Variants in ACOT7 observed in about 807,000 individuals in gnomAD.
ACOT7 encodes the protein cytosolic acyl coenzyme A thioester hydrolase.
A neutral mutation model predicts 40.2 loss-of-function variants in ACOT7; 12 were observed. The observed-to-expected ratio is 0.30, with a 90% CI of 0.19 to 0.48. The LOEUF (loss-of-function observed/expected upper bound fraction) is 0.48, where lower values mean the gene tolerates loss of function less well. Ranked by LOEUF, ACOT7 falls within the 20% of genes least tolerant of loss-of-function variation. ACOT7 has a pLI of 0.99. For missense variants in ACOT7, 395 were observed against 530.8 expected (o/e 0.74, Z 2.51); for synonymous variants, 228 against 219.5 (o/e 1.04, Z -0.34).
At chr1:6,326,082 AG>A (rs1640790139) in intron 5 of ACOT7, among the ~76,000 whole-genome samples, 1 of 152,202 alleles carries the variant, frequency 6.6e-6, no homozygotes, top group East Asian at 1.9e-4. Context: ...AACCCTCCTC[AG>A]GCTGCCATCC....
At chr1:6,360,887 C>T (rs1476159931) in intron 1 of ACOT7, among the ~76,000 whole-genome samples, 1 of 152,196 alleles carries the variant, frequency 6.6e-6, no homozygotes, top group East Asian at 1.9e-4. Context: ...AGATTCAAGC[C>T]ACAACCAGAT....
Position 6,393,476 on chromosome 1 carries a change from C to T in ACOT7, c.-77G>A, listed in dbSNP as rs1642573012. 4 of 1,177,172 alleles carry T rather than the reference C, an allele frequency of 3.4e-6. No homozygotes were observed. Among genetic ancestry groups the T allele is most frequent in the South Asian group, 8.7e-5 (2 of 22,982 alleles). 72.9% of individuals were successfully genotyped at this position (1,177,172 alleles called of 1,614,324 possible). Reference sequence around the variant, plus strand: ...CGCCGGGGGCAATCGAACGCGGCCTCCCCGCGCCGACCCCGCCCCCGCGCC... The same window carrying T: ...CGCCGGGGGCAATCGAACGCGGCCTTCCCGCGCCGACCCCGCCCCCGCGCC... On this transcript the variant is annotated 5_prime_UTR_variant, in exon 1 of 9. Coordinates refer to ENST00000361521, the MANE Select transcript of ACOT7 (RefSeq NM_007274.4).
At chr1:6,379,163 G>T (rs1642289670) in intron 1 of ACOT7, among the ~76,000 whole-genome samples, 1 of 151,946 alleles carries the variant, frequency 6.6e-6, no homozygotes. Flanking sequence ...CAAAGAGCTG[G>T]GATTACAGGC....
In ACOT7 at chr1:6,355,347, T is replaced by A. The variant is rs1028994566; in HGVS notation, c.144-5481A>T. Among the ~76,000 whole-genome samples the A allele has an allele frequency of 1.3e-5, 2 of 152,282 alleles. No homozygotes were observed. Among genetic ancestry groups the A allele is most frequent in the East Asian group, 3.9e-4 (2 of 5,180 alleles). Reference sequence around the variant, plus strand: ...GTTAAACGAAGCACTGCAAGGGTACTCACTGCACAGCCGTGTATAACGCAG... The same window carrying A: ...GTTAAACGAAGCACTGCAAGGGTACACACTGCACAGCCGTGTATAACGCAG... On this transcript the variant is annotated intron_variant, in intron 1 of 8. Transcript: ENST00000361521. This position sits in a 1 kb window ranked among gnomAD's most constrained non-coding sequence, Gnocchi z 5.0.
chr1:6,384,330 A>G (rs1642401104), intron 1 of ACOT7, among the ~76,000 whole-genome samples: 1 of 151,858 alleles, frequency 6.6e-6, no homozygotes, highest in South Asian at 2.1e-4. Flanking sequence ...ATCTACTAGC[A>G]TGGCTAGAAT....
At chr1:6,284,626 C>T (rs779493586) in intron 7 of ACOT7, among the ~76,000 whole-genome samples, 3 of 150,606 alleles carry the variant, frequency 2.0e-5, no homozygotes, top group African/African-American at 7.3e-5. Context: ...GCTACAGGCA[C>T]TTTGTCAACC....
chr1:6,296,248 T>C (rs1639807329), intron 6 of ACOT7, among the ~76,000 whole-genome samples: 1 of 152,124 alleles, frequency 6.6e-6, no homozygotes, highest in Non-Finnish European at 1.5e-5. Context: ...AGTACAGCTG[T>C]TATATCAAAC....
In ACOT7 at chr1:6,359,834, G is replaced by C. The variant is rs1049206938; in HGVS notation, c.144-9968C>G. Among the ~76,000 whole-genome samples the C allele has an allele frequency of 2.0e-5, 3 of 152,218 alleles. No homozygotes were observed. Among genetic ancestry groups the C allele is most frequent in the African/African-American group, 7.2e-5 (3 of 41,452 alleles). On this transcript the variant is annotated intron_variant, in intron 1 of 8. Transcript: ENST00000361521. This position sits in a 1 kb window ranked among gnomAD's most constrained non-coding sequence, Gnocchi z 4.1. ...AGTGCAGGCCGCACAGCCTCAACCA[G>C]GCTGCACCCGCCGGCCTCTGGGCAA... is the stretch of plus-strand genomic sequence containing the variant.
chr1:6,304,962 T>A (rs963505200), intron 6 of ACOT7, among the ~76,000 whole-genome samples: 1 of 146,600 alleles, frequency 6.8e-6, no homozygotes, highest in African/African-American at 2.6e-5. Context: ...CACTTCCCAG[T>A]AGGGGCGGCC....
At chr1:6,342,480 G>T (rs1387471261) in intron 2 of ACOT7, among the ~76,000 whole-genome samples, 1 of 152,136 alleles carries the variant, frequency 6.6e-6, no homozygotes, top group Admixed American at 6.5e-5. Flanking sequence ...ATAGAGACAG[G>T]ACCTTGCTGT....
Position 6,393,370 on chromosome 1 carries a change from C to CG in ACOT7, c.29dup (p.Pro11AlafsTer44). 8.1e-7 allele frequency: 1 copy of CG among 1,236,200 alleles called. No homozygotes were observed. Among genetic ancestry groups the CG allele is most frequent in the Non-Finnish European group, 1.0e-6 (1 of 987,842 alleles). The allele number at this position is 1,236,200 out of a possible 1,614,324, so 76.6% of individuals were successfully genotyped here. A position where few individuals can be genotyped will look rare whatever the true frequency, so the allele number is the denominator to read the frequency against. On this transcript the variant is annotated frameshift_variant, in exon 1 of 9. Coordinates refer to ENST00000361521, the MANE Select transcript of ACOT7 (RefSeq NM_007274.4). LOFTEE classifies it high-confidence loss of function. ...GGGCGCAGGTGTCTGGCAGGCCCGG[C>CG]GCGGAATGAATGAGCCCGGGCCGCG...
chr1:6,373,223 C>T (rs900944103), intron 1 of ACOT7, among the ~76,000 whole-genome samples: 1 of 151,680 alleles, frequency 6.6e-6, no homozygotes, highest in Non-Finnish European at 1.5e-5. Flanking sequence ...AAAATGGTGC[C>T]AATAGACTTG....
At position 6,264,540 on chromosome 1, in the gene ACOT7, T is replaced by C. The variant is rs1638756339; in HGVS notation, c.*57A>G. ...GCCAAGGGGGGAACTTCTAAGTGACTGGACACTGGGCCCGTTGCCATGGCT... is the reference window on the plus strand; with the variant it reads ...GCCAAGGGGGGAACTTCTAAGTGACCGGACACTGGGCCCGTTGCCATGGCT... On this transcript the variant is annotated 3_prime_UTR_variant, in exon 9 of 9. Transcript: ENST00000361521. The C allele has an allele frequency of 1.3e-6, 2 of 1,537,772 alleles. No homozygotes were observed. Among genetic ancestry groups the C allele is most frequent in the South Asian group, 2.4e-5 (2 of 83,954 alleles).
Position 6,393,503 on chromosome 1 carries a change from G to A in ACOT7, c.-104C>T, listed in dbSNP as rs1642574290. 2.8e-6 allele frequency: 3 copies of A among 1,055,024 alleles called. No individual in the cohort carries two copies. Among genetic ancestry groups the A allele is most frequent in the African/African-American group, 1.7e-5 (1 of 59,728 alleles). The allele number at this position is 1,055,024 out of a possible 1,614,324, so 65.4% of individuals were successfully genotyped here. On this transcript the variant is annotated 5_prime_UTR_variant, in exon 1 of 9. Coordinates refer to ENST00000361521, the MANE Select transcript of ACOT7 (RefSeq NM_007274.4). ...CCGCGCCGACCCCGCCCCCGCGCCGGCCCCACCCCGAGCCCCGCCTCCCAG... is the reference window on the plus strand; with the variant it reads ...CCGCGCCGACCCCGCCCCCGCGCCGACCCCACCCCGAGCCCCGCCTCCCAG...
chr1:6,378,296 G>A lies in ACOT7; in HGVS notation c.143+14961C>T, dbSNP rs533623413. The stretch of plus-strand genomic sequence containing the variant: ...CATGCCCTCTGCTGGTGGCCGGGGT[G>A]CTCCTCGATAGCGCCAGACTGCGGC... On this transcript the variant is annotated intron_variant, in intron 1 of 8. Coordinates refer to ENST00000361521, the MANE Select transcript of ACOT7 (RefSeq NM_007274.4). 1.4e-3 allele frequency among the ~76,000 whole-genome samples: 211 copies of A among 151,786 alleles called. 4 individuals are homozygous for A. The highest frequency in any genetic ancestry group is 2.7e-3 in the Non-Finnish European group (181 of 67,822).
At position 6,352,465 on chromosome 1, in the gene ACOT7, C is replaced by T. The variant is rs1641617651; in HGVS notation, c.144-2599G>A. On this transcript the variant is annotated intron_variant, in intron 1 of 8. Coordinates refer to ENST00000361521, the MANE Select transcript of ACOT7 (RefSeq NM_007274.4). The surrounding 1 kb of genome is among the most constrained non-coding windows in gnomAD (Gnocchi z 4.5). ...CACTCTCTCAGGCCCCGCCCCATGG[C>T]CTGGCCAAGGCCAACCGTGTCCATC... Among the ~76,000 whole-genome samples, 1 of 152,404 alleles carries T rather than the reference C, an allele frequency of 6.6e-6. No homozygotes were observed. Among genetic ancestry groups the T allele is most frequent in the Admixed American group, 6.5e-5 (1 of 15,308 alleles).
chr1:6,375,078 C>A (rs981353914), intron 1 of ACOT7, among the ~76,000 whole-genome samples: 1 of 147,628 alleles, frequency 6.8e-6, no homozygotes, highest in Non-Finnish European at 1.5e-5. Flanking sequence ...GAGATAGAGA[C>A]CATCCTGGCT....
intron 8 of ACOT7, among the ~76,000 whole-genome samples, chr1:6,279,299 G>C (rs370703490): frequency 2.0e-5 from 3 of 152,190 alleles, no homozygotes; most frequent in African/African-American, 7.2e-5. Flanking sequence ...GGGCCGATGG[G>C]TGGCACGGTG....
In ACOT7 at chr1:6,358,401, T is replaced by C. The variant is rs1641807142; in HGVS notation, c.144-8535A>G. Among the ~76,000 whole-genome samples the C allele has an allele frequency of 6.6e-6, 1 of 152,104 alleles. No homozygotes were observed. Among genetic ancestry groups the C allele is most frequent in the Admixed American group, 6.5e-5 (1 of 15,270 alleles). On this transcript the variant is annotated intron_variant, in intron 1 of 8. Coordinates refer to ENST00000361521, the MANE Select transcript of ACOT7 (RefSeq NM_007274.4). The surrounding 1 kb of genome is among the most constrained non-coding windows in gnomAD (Gnocchi z 4.1). ...GCAGGGGACTGACCCAGGAGGCTCC[T>C]TGTGCAGCCCACAGACCCCCCCTCC...
Sources: gnomAD v4.1 joint callset for allele counts (sites outside exome capture counted in the v4.1 genomes callset) on GRCh38, gnomAD v4.1.1 for gene constraint, Gnocchi (gnomAD v3.1) non-coding constraint, MANE v1.5 for transcripts, NCBI Gene and HGNC (gene_info 2026-07-23, HGNC 2026-07-21) for gene names.